Variants in CCDC12 observed in about 807,000 individuals in gnomAD.
CCDC12 encodes coiled-coil domain-containing protein 12.
In CCDC12, 28 loss-of-function variants were observed where a neutral mutation model predicts 25.7. The observed-to-expected ratio is 1.09, with a 90% CI of 0.81 to 1.50. The LOEUF is 1.50. CCDC12 is among the 40% of genes most tolerant of loss of function. CCDC12 has a pLI of 0.00. For missense variants in CCDC12, 198 were observed against 210.0 expected (o/e 0.94, Z 0.35); for synonymous variants, 75 against 87.7 (o/e 0.86, Z 0.81).
chr3:46,947,277 A>G (rs1425788263), intron 1 of CCDC12, among the ~76,000 whole-genome samples: 1 of 152,212 alleles, frequency 6.6e-6, no homozygotes, highest in East Asian at 1.9e-4. Context: ...ATAGTGCCTG[A>G]AGGTGACAGG....
chr3:46,972,028 C>T (rs1234936395), intron 1 of CCDC12, among the ~76,000 whole-genome samples: 4 of 151,160 alleles, frequency 2.6e-5, no homozygotes, highest in Admixed American at 6.6e-5. Context: ...AAGGTTAGAC[C>T]CTTACCTGTC....
chr3:46,937,529 C>T lies in CCDC12; in HGVS notation c.164+3469G>A, dbSNP rs372877524. The stretch of plus-strand genomic sequence containing the variant: ...AAGAAGGATGCTCACTGGCGAATGG[C>T]CTCAGGGGTCATCTCTCCAATGGAC... On this transcript the variant is annotated intron_variant, in intron 2 of 6. Transcript: ENST00000683445. 3.3e-5 allele frequency among the ~76,000 whole-genome samples: 5 copies of T among 152,324 alleles called. No individual in the cohort carries two copies. In the East Asian group the frequency reaches 7.7e-4, roughly 24 times the overall value.
chr3:46,922,067 T>C lies in CCDC12; in HGVS notation c.491A>G (p.Asp164Gly). The C allele has an allele frequency of 4.3e-6, 7 of 1,613,892 alleles. No homozygotes were observed. Among genetic ancestry groups the C allele is most frequent in the Non-Finnish European group, 1.7e-6 (2 of 1,180,014 alleles). Residue 164 changes from aspartate to glycine, a missense_variant, in exon 7 of 7, where the codon GAC becomes GGC. By Grantham distance (94) the Asp-to-Gly change is moderately conservative. Transcript: ENST00000683445. ...GGGGCAGGGCATGCCTCAGTCGGAG[T>C]CACAGGTCTTTTGTTCGGTGGCAGC... is the stretch of plus-strand genomic sequence containing the variant. ...VDAATEQKTC[D>G]SD
At chr3:46,973,272 G>A (rs2034860888) in intron 1 of CCDC12, among the ~76,000 whole-genome samples, 1 of 149,870 alleles carries the variant, frequency 6.7e-6, no homozygotes, top group South Asian at 2.1e-4. Context: ...AGAATCGCTT[G>A]AACCCAGGAG....
chr3:46,965,557 A>G (rs1050224468), intron 1 of CCDC12, among the ~76,000 whole-genome samples: 1 of 152,216 alleles, frequency 6.6e-6, no homozygotes, highest in African/African-American at 2.4e-5. Flanking sequence ...TCTCCCCAGC[A>G]TATCAGACCA....
At chr3:46,976,403 A>T (rs2034991373) in intron 1 of CCDC12, 2 of 1,411,256 alleles carry the variant, frequency 1.4e-6, no homozygotes, top group Non-Finnish European at 1.8e-6. Context: ...GTCGCTGACC[A>T]CTGCCTTGCC....
At chr3:46,974,167 C>A (rs867491820) in intron 1 of CCDC12, among the ~76,000 whole-genome samples, 2 of 152,100 alleles carry the variant, frequency 1.3e-5, no homozygotes, top group Non-Finnish European at 2.9e-5. Flanking sequence ...GGAAGTAGAA[C>A]AGTGATTGCC....
chr3:46,967,432 C>T (rs565880920), intron 1 of CCDC12, among the ~76,000 whole-genome samples: 1 of 152,286 alleles, frequency 6.6e-6, no homozygotes, highest in Non-Finnish European at 1.5e-5. Context: ...ATACCTCCCA[C>T]TGTTCACTCT....
chr3:46,952,921 C>CT (rs1163670331), intron 1 of CCDC12, among the ~76,000 whole-genome samples: 8 of 152,206 alleles, frequency 5.3e-5, no homozygotes, highest in African/African-American at 1.9e-4. Context: ...AGGCTTCAAG[C>CT]ATAGGCTGAT....
chr3:46,948,030 G>T (rs1338420418), intron 1 of CCDC12, among the ~76,000 whole-genome samples: 2 of 152,248 alleles, frequency 1.3e-5, no homozygotes, highest in Non-Finnish European at 1.5e-5. Context: ...GCGGGGCACA[G>T]GCCCAGAACG....
In CCDC12 at chr3:46,922,150, T is replaced by C. The variant is rs373863490; in HGVS notation, c.419-11A>G. ...CTTTCAGCCTTTCACCTGGGATGGA[T>C]GGCAGACAGAAGGGGTGGGGAGGGG... On this transcript the variant is annotated splice_polypyrimidine_tract_variant and intron_variant, in intron 6 of 6. Coordinates refer to ENST00000683445, the MANE Select transcript of CCDC12 (RefSeq NM_001277074.2). The C allele has an allele frequency of 8.7e-6, 14 of 1,614,156 alleles. No individual in the cohort carries two copies. The highest frequency in any genetic ancestry group is 4.4e-5 in the South Asian group (4 of 91,094).
intron 3 of CCDC12, 106 bp downstream of exon 3, chr3:46,925,350 A>G: frequency 2.1e-6 from 2 of 954,990 alleles, no homozygotes; most frequent in African/African-American, 1.6e-5. Context: ...TGCAGGCCCA[A>G]CTCCTGTCCT....
chr3:46,926,649 T>C (rs548675806), intron 2 of CCDC12, among the ~76,000 whole-genome samples: 1 of 152,242 alleles, frequency 6.6e-6, no homozygotes, highest in African/African-American at 2.4e-5. Context: ...CGAGAGGTCC[T>C]GGGGGCTGCA....
At chr3:46,953,454 T>TTA (rs1399326500) in intron 1 of CCDC12, among the ~76,000 whole-genome samples, 2 of 152,088 alleles carry the variant, frequency 1.3e-5, no homozygotes. Flanking sequence ...TCCATCTTCC[T>TTA]TAATTCTGCT....
chr3:46,941,523 C>T (rs1390450513), intron 1 of CCDC12, among the ~76,000 whole-genome samples: 1 of 151,396 alleles, frequency 6.6e-6, no homozygotes, highest in African/African-American at 2.4e-5. Context: ...CGAGATCAAG[C>T]CACTGCACTC....
At chr3:46,973,771 C>T (rs1043033586) in intron 1 of CCDC12, among the ~76,000 whole-genome samples, 23 of 152,014 alleles carry the variant, frequency 1.5e-4, no homozygotes, top group Admixed American at 7.2e-4. Flanking sequence ...CACCACCGCG[C>T]TCGGCTAATT....
intron 1 of CCDC12, among the ~76,000 whole-genome samples, chr3:46,949,824 C>T (rs529244647): frequency 4.6e-5 from 7 of 152,048 alleles, no homozygotes; most frequent in African/African-American, 1.7e-4. Flanking sequence ...GTCAGGAGTT[C>T]GAGACCAGCC....
At chr3:46,929,678 A>G (rs1034882458) in intron 2 of CCDC12, among the ~76,000 whole-genome samples, 1 of 152,206 alleles carries the variant, frequency 6.6e-6, no homozygotes, top group East Asian at 1.9e-4. Context: ...GAAAAGAAAT[A>G]AAAACAACAA....
intron 1 of CCDC12, among the ~76,000 whole-genome samples, chr3:46,952,484 GT>G (rs1421295989): frequency 2.6e-5 from 4 of 152,140 alleles, no homozygotes; most frequent in African/African-American, 9.7e-5. Flanking sequence ...TTAGTTGTCT[GT>G]TCTATCCTCT....
Sources: allele counts gnomAD v4.1 joint callset (sites outside exome capture counted in the v4.1 genomes callset), GRCh38; gene constraint gnomAD v4.1.1; transcripts MANE v1.5; gene names NCBI Gene and HGNC (gene_info 2026-07-23, HGNC 2026-07-21).